FAM120AOS: variants seen among roughly 807,000 people sequenced by gnomAD.
The protein encoded by FAM120AOS is family with sequence similarity 120 member A opposite strand, also known as uncharacterized protein FAM120AOS.
A neutral mutation model predicts 20.2 loss-of-function variants in FAM120AOS; 15 were observed. That is an observed-to-expected ratio of 0.74 (90% confidence interval 0.50 to 1.15). FAM120AOS has a LOEUF of 1.15. Ranked by LOEUF, FAM120AOS falls within the 50% of genes most tolerant of loss-of-function variation. The pLI, the probability that FAM120AOS is intolerant of heterozygous loss-of-function variation, is 0.00. For missense variants in FAM120AOS, 327 were observed against 351.9 expected (o/e 0.93, Z 0.57); for synonymous variants, 154 against 154.0 (o/e 1.00, Z 0.00).
chr9:93,449,055 TAA>T (rs1206537804), intron 2 of FAM120AOS, among the ~76,000 whole-genome samples: 1 of 135,254 alleles, frequency 7.4e-6, no homozygotes, highest in African/African-American at 2.8e-5. Context: ...ACTCAATAAA[TAA>T]AGTTTTTTTT....
At chr9:93,450,895 G>A (rs903932466) in intron 1 of FAM120AOS, 1 of 999,184 alleles carries the variant, frequency 1.0e-6, no homozygotes. Context: ...GCACGTTTCA[G>A]TCTAGCCATT....
chr9:93,450,945 C>A, intron 1 of FAM120AOS: 1 of 1,340,072 alleles, frequency 7.5e-7, no homozygotes, highest in Non-Finnish European at 1.0e-6. Context: ...TGCAACAGAC[C>A]TGTGCTCTCA....
At chr9:93,451,303 C>T in intron 1 of FAM120AOS, 1 of 1,455,892 alleles carries the variant, frequency 6.9e-7, no homozygotes, top group Non-Finnish European at 9.1e-7. Flanking sequence ...CTGCTTCCCT[C>T]AGGAGCAGGC....
rs1024655074 is a variant in FAM120AOS at position 93,451,524 on chromosome 9, C to T, written c.563+623G>A. On this transcript the variant is annotated intron_variant, in intron 1 of 2. Coordinates refer to ENST00000375412, the MANE Select transcript of FAM120AOS (RefSeq NM_198841.4). ...ATCCCGTCCCGGCCCAACTCCGGGCCTCCGCCTCCGCCGCCGCCTCCGGGA... is the reference window on the plus strand; with the variant it reads ...ATCCCGTCCCGGCCCAACTCCGGGCTTCCGCCTCCGCCGCCGCCTCCGGGA... The T allele has an allele frequency of 6.0e-6, 6 of 993,940 alleles. No individual in the cohort carries two copies. In the African/African-American group the frequency reaches 1.0e-4, roughly 17 times the overall value. The allele number at this position is 993,940 out of a possible 1,614,324, so 61.6% of individuals were successfully genotyped here. A position where few individuals can be genotyped will look rare whatever the true frequency, so the allele number is the denominator to read the frequency against.
Position 93,452,913 on chromosome 9 carries a change from G to A in FAM120AOS, c.-204C>T. The A allele has an allele frequency of 2.1e-6, 3 of 1,431,180 alleles. No individual in the cohort carries two copies. The South Asian group carries it at 4.5e-5, about 22-fold the overall frequency. The allele number at this position is 1,431,180 out of a possible 1,614,324, so 88.7% of individuals were successfully genotyped here. A position where few individuals can be genotyped will look rare whatever the true frequency, so the allele number is the denominator to read the frequency against. On this transcript the variant is annotated 5_prime_UTR_variant, in exon 1 of 3. Coordinates refer to ENST00000375412, the MANE Select transcript of FAM120AOS (RefSeq NM_198841.4). The surrounding 1 kb of genome is among the most constrained non-coding windows in gnomAD (Gnocchi z 7.0). ...CCCTTGCCAATGTTGTTAGCCCGGTGACAGCGAGACGTGTCTAAGGGCCAG... is the reference window on the plus strand; with the variant it reads ...CCCTTGCCAATGTTGTTAGCCCGGTAACAGCGAGACGTGTCTAAGGGCCAG...
chr9:93,453,295 G>C lies in FAM120AOS; in HGVS notation c.-586C>G. ...ACCGGCCTCCTCTGGCCCTTTGGCAGAGGGCTTCGCAGCTGGCACTGGGCC... is the reference window on the plus strand; with the variant it reads ...ACCGGCCTCCTCTGGCCCTTTGGCACAGGGCTTCGCAGCTGGCACTGGGCC... On this transcript the variant is annotated 5_prime_UTR_variant, in exon 1 of 3. Coordinates refer to ENST00000375412, the MANE Select transcript of FAM120AOS (RefSeq NM_198841.4). 1 of 986,968 alleles carries C rather than the reference G, an allele frequency of 1.0e-6. No homozygotes were observed. The highest frequency in any genetic ancestry group is 1.2e-6 in the Non-Finnish European group (1 of 831,004). The allele number at this position is 986,968 out of a possible 1,614,324, so 61.1% of individuals were successfully genotyped here.
intron 1 of FAM120AOS, chr9:93,451,898 C>G (rs1248681638): frequency 7.9e-7 from 1 of 1,260,842 alleles, no homozygotes; most frequent in Non-Finnish European, 9.9e-7. Flanking sequence ...CACCCGCGCC[C>G]GCGCCCCCGC....
chr9:93,450,722 T>C (rs1857109309), intron 1 of FAM120AOS, 123 bp from the exon 2 acceptor site: 1 of 1,447,568 alleles, frequency 6.9e-7, no homozygotes, highest in African/African-American at 1.4e-5. Context: ...AAATGTTTTA[T>C]GCAAGCCTAA....
rs1168353804 is a variant in FAM120AOS at position 93,447,494 on chromosome 9, C to A, written c.*117G>T. The A allele has an allele frequency of 1.1e-6, 1 of 949,530 alleles. No individual in the cohort carries two copies. The highest frequency in any genetic ancestry group is 1.7e-6 in the Non-Finnish European group (1 of 605,480). The allele number at this position is 949,530 out of a possible 1,614,324, so 58.8% of individuals were successfully genotyped here. The stretch of plus-strand genomic sequence containing the variant: ...AAAACACCCTCCAATATAGAGAGAA[C>A]TCTGAAACCAGAAGCAGAAGCTGAG... On this transcript the variant is annotated 3_prime_UTR_variant, in exon 3 of 3. Coordinates refer to ENST00000375412, the MANE Select transcript of FAM120AOS (RefSeq NM_198841.4).
chr9:93,453,174 G>A lies in FAM120AOS; in HGVS notation c.-465C>T, dbSNP rs1238742272. 2 of 1,001,370 alleles carry A rather than the reference G, an allele frequency of 2.0e-6. No homozygotes were observed. Among genetic ancestry groups the A allele is most frequent in the Non-Finnish European group, 2.4e-6 (2 of 840,870 alleles). 62.0% of individuals were successfully genotyped at this position (1,001,370 alleles called of 1,614,324 possible). A position where few individuals can be genotyped will look rare whatever the true frequency, so the allele number is the denominator to read the frequency against. Reference sequence around the variant, plus strand: ...CTCAAAATCAGGGGGCGAACTACGCGGGCGTGAACTCGCAGGATTTATTTT... The same window carrying A: ...CTCAAAATCAGGGGGCGAACTACGCAGGCGTGAACTCGCAGGATTTATTTT... On this transcript the variant is annotated 5_prime_UTR_variant, in exon 1 of 3. Coordinates refer to ENST00000375412, the MANE Select transcript of FAM120AOS (RefSeq NM_198841.4).
chr9:93,450,816 A>G, intron 1 of FAM120AOS: 1 of 922,630 alleles, frequency 1.1e-6, no homozygotes, highest in Non-Finnish European at 1.7e-6. Context: ...TCCTTCCAGA[A>G]GATGCTACTA....
chr9:93,445,588 T>TTG lies in FAM120AOS; in HGVS notation c.*2022_*2023insCA, dbSNP rs1364148711. 9.2e-5 allele frequency among the ~76,000 whole-genome samples: 13 copies of TTG among 140,824 alleles called. No homozygotes were observed. Among genetic ancestry groups the TTG allele is most frequent in the Non-Finnish European group, 1.8e-4 (12 of 65,036 alleles). 92.4% of individuals were successfully genotyped at this position (140,824 alleles called of 152,430 possible). A position where few individuals can be genotyped will look rare whatever the true frequency, so the allele number is the denominator to read the frequency against. ...CAACTTTCATAAAAATCGTTGTTTT[T>TTG]TTTTTTTTTTTTTTTTTTTGAGACA... is the stretch of plus-strand genomic sequence containing the variant. On this transcript the variant is annotated 3_prime_UTR_variant, in exon 3 of 3. Transcript: ENST00000375412.
intron 2 of FAM120AOS, among the ~76,000 whole-genome samples, chr9:93,447,968 T>C (rs907542433): frequency 2.0e-5 from 3 of 152,036 alleles, no homozygotes; most frequent in Non-Finnish European, 4.4e-5. Flanking sequence ...AAATTGACAA[T>C]TAATTAACAG....
In FAM120AOS at chr9:93,445,447, T is replaced by C. The variant is rs1006218869; in HGVS notation, c.*2164A>G. On this transcript the variant is annotated 3_prime_UTR_variant, in exon 3 of 3. Coordinates refer to ENST00000375412, the MANE Select transcript of FAM120AOS (RefSeq NM_198841.4). ...CTACTCTTTTTCATGACTTTGAATC[T>C]TGAGCAAATGACTACAGTAAGAGTG... is the stretch of plus-strand genomic sequence containing the variant. Among the ~76,000 whole-genome samples the C allele has an allele frequency of 1.3e-5, 2 of 152,146 alleles. No homozygotes were observed. The highest frequency in any genetic ancestry group is 2.9e-5 in the Non-Finnish European group (2 of 68,026).
In FAM120AOS at chr9:93,453,554, C is replaced by A; in HGVS notation, c.-845G>T. On this transcript the variant is annotated 5_prime_UTR_variant, in exon 1 of 3. Transcript: ENST00000375412. The stretch of plus-strand genomic sequence containing the variant: ...CTGTCTTCGCGGTTGCCCCCACTGC[C>A]CGCGAGGAGATGGTGGTAGTTAAGC... The A allele has an allele frequency of 1.0e-6, 1 of 985,402 alleles. No individual in the cohort carries two copies. Among genetic ancestry groups the A allele is most frequent in the Non-Finnish European group, 1.2e-6 (1 of 829,940 alleles). 61.0% of individuals were successfully genotyped at this position (985,402 alleles called of 1,614,324 possible).
chr9:93,450,851 C>A, intron 1 of FAM120AOS: 1 of 906,492 alleles, frequency 1.1e-6, no homozygotes, highest in Non-Finnish European at 1.8e-6. Context: ...AAATCCCTCT[C>A]CCTCAGAAGA....
chr9:93,451,705 A>AGCGGCGGCG (rs1299136962), intron 1 of FAM120AOS: 2 of 970,514 alleles, frequency 2.1e-6, no homozygotes, highest in South Asian at 4.7e-5. Flanking sequence ...CAGCGGCGGC[A>AGCGGCGGCG]GCGGCGGCGG....
chr9:93,451,055 C>A (rs1857142849), intron 1 of FAM120AOS: 2 of 1,550,514 alleles, frequency 1.3e-6, no homozygotes, highest in Non-Finnish European at 8.7e-7. Flanking sequence ...GTAAAAACCA[C>A]AACCGAGAGC....
chr9:93,446,768 A>G lies in FAM120AOS; in HGVS notation c.*843T>C, dbSNP rs1856857595. ...CATGAGAACAACTCTTCTCTTCCAC[A>G]TAGATATTTTTGCATCAGCCCAAAG... On this transcript the variant is annotated 3_prime_UTR_variant, in exon 3 of 3. Coordinates refer to ENST00000375412, the MANE Select transcript of FAM120AOS (RefSeq NM_198841.4). The G allele has an allele frequency of 6.6e-6, 1 of 152,180 alleles. No individual in the cohort carries two copies. The highest frequency in any genetic ancestry group is 1.5e-5 in the Non-Finnish European group (1 of 68,046). 9.4% of individuals were successfully genotyped at this position (152,180 alleles called of 1,614,324 possible). A position where few individuals can be genotyped will look rare whatever the true frequency, so the allele number is the denominator to read the frequency against.
Sources: gnomAD v4.1 joint callset for allele counts (sites outside exome capture counted in the v4.1 genomes callset) on GRCh38, gnomAD v4.1.1 for gene constraint, Gnocchi (gnomAD v3.1) non-coding constraint, MANE v1.5 for transcripts, NCBI Gene and HGNC (gene_info 2026-07-23, HGNC 2026-07-21) for gene names.